Variants in SSBP2 observed in about 807,000 individuals in gnomAD.
SSBP2 encodes single stranded DNA binding protein 2.
SSBP2 carries 17 observed loss-of-function variants against 61.8 expected under a neutral mutation model. The ratio of observed to expected loss-of-function variants is 0.28; its 90% confidence interval spans 0.19 to 0.41. The LOEUF is 0.41. Ranked by LOEUF, SSBP2 falls within the 10% of genes least tolerant of loss-of-function variation. The pLI, the probability that SSBP2 is intolerant of heterozygous loss-of-function variation, is 1.00. For missense variants in SSBP2, 310 were observed against 458.7 expected (o/e 0.68, Z 2.96); for synonymous variants, 139 against 141.3 (o/e 0.98, Z 0.12).
At chr5:81,630,684 T>C (rs1747619699) in intron 3 of SSBP2, among the ~76,000 whole-genome samples, 1 of 147,958 alleles carries the variant, frequency 6.8e-6, no homozygotes, top group Non-Finnish European at 1.5e-5. Context: ...GAAGAAGGGA[T>C]CCCCTGAATC....
chr5:81,740,973 C>G (rs1561748745), intron 1 of SSBP2, among the ~76,000 whole-genome samples: 1 of 152,344 alleles, frequency 6.6e-6, no homozygotes, highest in East Asian at 1.9e-4. Context: ...ACATTCCCCT[C>G]CCATCCTCAT....
At position 81,561,913 on chromosome 5, in the gene SSBP2, C is replaced by CT. The variant is rs550692420; in HGVS notation, c.283-48197dup. ...AAATGTTAAGACCCTTTTTATTTTA[C>CT]TTTTTTTTGAGATGGAGTTTCACTC... is the stretch of plus-strand genomic sequence containing the variant. On this transcript the variant is annotated intron_variant, in intron 4 of 16. Coordinates refer to ENST00000320672, the MANE Select transcript of SSBP2 (RefSeq NM_012446.5). Among the ~76,000 whole-genome samples the CT allele has an allele frequency of 1.1e-4, 17 of 151,888 alleles. No homozygotes were observed. The East Asian group carries it at 2.5e-3, about 22-fold the overall frequency.
chr5:81,541,308 T>C (rs1051917751), intron 4 of SSBP2, among the ~76,000 whole-genome samples: 1 of 152,078 alleles, frequency 6.6e-6, no homozygotes, highest in South Asian at 2.1e-4. Flanking sequence ...TGCTCACAGA[T>C]TGGAAGAATC....
At chr5:81,690,099 TAAACAAA>T (rs1265909320) in intron 1 of SSBP2, among the ~76,000 whole-genome samples, 2 of 151,116 alleles carry the variant, frequency 1.3e-5, no homozygotes, top group Non-Finnish European at 3.0e-5. Context: ...ATACAACAGA[TAAACAAA>T]AAAATAAAAA....
At chr5:81,628,389 T>G (rs1740893202) in intron 3 of SSBP2, among the ~76,000 whole-genome samples, 1 of 152,132 alleles carries the variant, frequency 6.6e-6, no homozygotes, top group Non-Finnish European at 1.5e-5. Flanking sequence ...GAACTACAAT[T>G]CAAGATGAGA....
At chr5:81,642,147 G>A (rs186732483) in intron 2 of SSBP2, among the ~76,000 whole-genome samples, 2 of 152,302 alleles carry the variant, frequency 1.3e-5, no homozygotes, top group African/African-American at 2.4e-5. Flanking sequence ...CAGCAGTCAT[G>A]TTAAAAACAA....
chr5:81,649,436 G>A (rs1436498), intron 2 of SSBP2, among the ~76,000 whole-genome samples: 42,422 of 151,850 alleles, frequency 0.28, 7,356 homozygotes, highest in Middle Eastern at 0.53. Context: ...GGAATACTAC[G>A]CAGCCTAAAA....
At chr5:81,699,854 C>CTTTTTTTTTTTTT in intron 1 of SSBP2, among the ~76,000 whole-genome samples, 1 of 124,862 alleles carries the variant, frequency 8.0e-6, no homozygotes, top group Non-Finnish European at 1.7e-5. Context: ...AAATCAATTT[C>CTTTTTTTTTTTTT]TTTTTTTTTT....
chr5:81,686,581 G>A (rs1219898590), intron 1 of SSBP2, among the ~76,000 whole-genome samples: 1 of 152,042 alleles, frequency 6.6e-6, no homozygotes, highest in African/African-American at 2.4e-5. Context: ...ATGGGGCCGG[G>A]CACGGTAGCT....
At chr5:81,583,108 T>C (rs1385752078) in intron 4 of SSBP2, among the ~76,000 whole-genome samples, 1 of 151,876 alleles carries the variant, frequency 6.6e-6, no homozygotes, top group Non-Finnish European at 1.5e-5. Context: ...TGTACCACCA[T>C]GGGAAGTCTG....
intron 8 of SSBP2, among the ~76,000 whole-genome samples, chr5:81,470,758 A>ATT (rs1765197487): frequency 6.6e-6 from 1 of 151,930 alleles, no homozygotes; most frequent in Non-Finnish European, 1.5e-5. Context: ...AATAAGGCAG[A>ATT]TATCTTCTGC....
Position 81,551,734 on chromosome 5 carries a change from A to G in SSBP2, c.283-38017T>C, listed in dbSNP as rs547120669. Among the ~76,000 whole-genome samples, 4 of 152,308 alleles carry G rather than the reference A, an allele frequency of 2.6e-5. No individual in the cohort carries two copies. In the South Asian group the frequency reaches 6.2e-4, roughly 24 times the overall value. On this transcript the variant is annotated intron_variant, in intron 4 of 16. Coordinates refer to ENST00000320672, the MANE Select transcript of SSBP2 (RefSeq NM_012446.5). ...TAATTATATGTCAGTGCTGAAAACA[A>G]TTAAAATTAAGTTTTGTGGAATGTA...
At chr5:81,699,677 G>A (rs1417639182) in intron 1 of SSBP2, among the ~76,000 whole-genome samples, 1 of 152,038 alleles carries the variant, frequency 6.6e-6, no homozygotes, top group African/African-American at 2.4e-5. Context: ...CACGAGGGTT[G>A]GAATCAGCTT....
At chr5:81,673,504 G>A (rs537608899) in intron 1 of SSBP2, among the ~76,000 whole-genome samples, 2 of 152,208 alleles carry the variant, frequency 1.3e-5, no homozygotes, top group South Asian at 2.1e-4. Flanking sequence ...TGAAAAGACA[G>A]GTTTTAGTTG....
intron 4 of SSBP2, among the ~76,000 whole-genome samples, chr5:81,516,470 T>C (rs1191407864): frequency 6.6e-6 from 1 of 152,094 alleles, no homozygotes; most frequent in East Asian, 1.9e-4. Context: ...AATTATCCAG[T>C]ACACCCAGTA....
intron 6 of SSBP2, among the ~76,000 whole-genome samples, chr5:81,488,060 A>ATATATT: frequency 1.8e-5 from 1 of 56,820 alleles, no homozygotes; most frequent in South Asian, 7.0e-4. Context: ...TATATATATA[A>ATATATT]ATAAAATATC....
intron 1 of SSBP2, among the ~76,000 whole-genome samples, chr5:81,700,806 T>C (rs922822098): frequency 2.6e-5 from 4 of 152,252 alleles, no homozygotes; most frequent in African/African-American, 7.2e-5. Flanking sequence ...AATTTTCTTC[T>C]GCAACTTCCT....
chr5:81,579,236 G>T (rs978271076), intron 4 of SSBP2, among the ~76,000 whole-genome samples: 194 of 148,754 alleles, frequency 1.3e-3, no homozygotes, highest in African/African-American at 4.7e-3. Context: ...GTTTCTTATT[G>T]TTTTTTTTCA....
At chr5:81,598,043 TAAAA>T (rs1743969742) in intron 4 of SSBP2, among the ~76,000 whole-genome samples, 1 of 151,116 alleles carries the variant, frequency 6.6e-6, no homozygotes, top group South Asian at 2.1e-4. Flanking sequence ...AAAATAAATT[TAAAA>T]GAGGACAGAA....
Sources: gnomAD v4.1 joint callset for allele counts (sites outside exome capture counted in the v4.1 genomes callset) on GRCh38, gnomAD v4.1.1 for gene constraint, MANE v1.5 for transcripts, NCBI Gene and HGNC (gene_info 2026-07-23, HGNC 2026-07-21) for gene names.